The following PRUNE2 variants were observed in gnomAD, a reference collection of about 807,000 sequenced individuals.
The protein encoded by PRUNE2 is prune homolog 2 with BCH domain, also known as protein prune homolog 2.
In PRUNE2, 164 loss-of-function variants were observed where a neutral mutation model predicts 252.0. The ratio of observed to expected loss-of-function variants is 0.65; its 90% CI spans 0.57 to 0.74. The LOEUF (loss-of-function observed/expected upper bound fraction) is 0.74, where lower values mean the gene tolerates loss of function less well. PRUNE2 is among the 30% of genes least tolerant of loss of function. PRUNE2 has a pLI of 0.00. For missense variants in PRUNE2, 3,495 were observed against 3,711.0 expected, an observed-to-expected ratio of 0.94 and a Z score of 1.51; for synonymous variants, 1,292 against 1,350.2, an observed-to-expected ratio of 0.96 and a Z score of 0.94.
intron 4 of PRUNE2, among the ~76,000 whole-genome samples, chr9:76,835,775 C>G (rs2132203575): frequency 6.6e-6 from 1 of 152,244 alleles, no homozygotes; most frequent in East Asian, 1.9e-4. Flanking sequence ...TGGCTCTGTT[C>G]CTTTCCTATT....
chr9:76,796,418 G>T (rs2056098438), intron 6 of PRUNE2, among the ~76,000 whole-genome samples: 1 of 152,166 alleles, frequency 6.6e-6, no homozygotes. Flanking sequence ...AACATGCGTG[G>T]TGAGAAAGCA....
In PRUNE2 at chr9:76,707,660, A is replaced by T. The variant is rs745332563; in HGVS notation, c.4614T>A (p.Ser1538Arg). 2 of 1,613,944 alleles carry T rather than the reference A, an allele frequency of 1.2e-6. No homozygotes were observed. Among genetic ancestry groups the T allele is most frequent in the East Asian group, 4.5e-5 (2 of 44,876 alleles). The change falls in exon 8 of 19, where the codon AGT becomes AGA. Residue 1538 changes from serine (S) to arginine (R), a missense_variant. Coordinates refer to ENST00000376718, the MANE Select transcript of PRUNE2 (RefSeq NM_015225.3). ...SGNFDRDTIS[S>R]EYTHSSASSP... Reference sequence around the variant, plus strand: ...TTGATGCACTTGAATGAGTATACTCACTAGAAATAGTATCTCTGTCAAAAT... The same window carrying T: ...TTGATGCACTTGAATGAGTATACTCTCTAGAAATAGTATCTCTGTCAAAAT...
intron 6 of PRUNE2, among the ~76,000 whole-genome samples, chr9:76,814,940 T>C (rs1377433682): frequency 2.0e-5 from 3 of 152,194 alleles, no homozygotes; most frequent in African/African-American, 7.2e-5. Context: ...GTTTTCCTCC[T>C]TTCTAGATCA....
At chr9:76,718,359 T>G (rs1332494569) in intron 6 of PRUNE2, among the ~76,000 whole-genome samples, 1 of 152,196 alleles carries the variant, frequency 6.6e-6, no homozygotes, top group Non-Finnish European at 1.5e-5. Flanking sequence ...TCACCTTCTG[T>G]TGTCTTCTCA....
At chr9:76,695,455 A>C (rs2045295218) in intron 9 of PRUNE2, among the ~76,000 whole-genome samples, 2 of 152,242 alleles carry the variant, frequency 1.3e-5, no homozygotes, top group Non-Finnish European at 2.9e-5. Flanking sequence ...AGTGACTAAC[A>C]AAACTCTAAG....
chr9:76,845,850 A>G (rs1295630103), intron 4 of PRUNE2, among the ~76,000 whole-genome samples: 5 of 152,194 alleles, frequency 3.3e-5, no homozygotes, highest in Non-Finnish European at 7.3e-5. Flanking sequence ...TTTCTGTGGT[A>G]ATTTTGTGGT....
intron 1 of PRUNE2, among the ~76,000 whole-genome samples, chr9:76,859,686 C>CTTGTTTGTTTGT (rs35532918): frequency 5.3e-5 from 8 of 150,266 alleles, no homozygotes; most frequent in African/African-American, 1.5e-4. Flanking sequence ...GGCTAGGGTG[C>CTTGTTTGTTTGT]TTGTTTGTTT....
At chr9:76,871,522 G>A (rs897427453) in intron 1 of PRUNE2, among the ~76,000 whole-genome samples, 2 of 152,196 alleles carry the variant, frequency 1.3e-5, no homozygotes. Context: ...GTAATCCTGG[G>A]CCTCCAAGGC....
chr9:76,631,714 T>C (rs1053385746), intron 15 of PRUNE2, among the ~76,000 whole-genome samples: 1 of 152,226 alleles, frequency 6.6e-6, no homozygotes, highest in African/African-American at 2.4e-5. Context: ...TGTGCAGGTT[T>C]TTACATGGGT....
At chr9:76,813,778 T>C (rs952857130) in intron 6 of PRUNE2, among the ~76,000 whole-genome samples, 1 of 152,190 alleles carries the variant, frequency 6.6e-6, no homozygotes, top group Admixed American at 6.5e-5. Flanking sequence ...AGAGTATACA[T>C]TGTATACTAT....
intron 1 of PRUNE2, among the ~76,000 whole-genome samples, chr9:76,893,805 G>A (rs1364837703): frequency 6.6e-6 from 1 of 152,178 alleles, no homozygotes; most frequent in African/African-American, 2.4e-5. Flanking sequence ...ATCCACCACA[G>A]TGAGTTTATG....
At chr9:76,833,556 G>C (rs994206543) in intron 4 of PRUNE2, among the ~76,000 whole-genome samples, 2 of 152,034 alleles carry the variant, frequency 1.3e-5, no homozygotes, top group African/African-American at 4.8e-5. Context: ...ACGAAGTCAG[G>C]AGATCGAGAC....
At chr9:76,879,194 C>T (rs986921390) in intron 1 of PRUNE2, among the ~76,000 whole-genome samples, 20 of 152,168 alleles carry the variant, frequency 1.3e-4, no homozygotes, top group African/African-American at 4.3e-4. Flanking sequence ...TAAATCTCCA[C>T]GTGTATGTGG....
intron 9 of PRUNE2, among the ~76,000 whole-genome samples, chr9:76,660,798 AAAAG>A (rs1554669338): frequency 2.1e-5 from 3 of 141,086 alleles, no homozygotes; most frequent in African/African-American, 5.2e-5. Flanking sequence ...AAAAAAAAAA[AAAAG>A]AAAGAAAGAA....
chr9:76,713,850 G>T, intron 6 of PRUNE2, 129 bp from the exon 7 acceptor site: 1 of 587,098 alleles, frequency 1.7e-6, no homozygotes, highest in Non-Finnish European at 2.8e-6. Flanking sequence ...GTGAAATACA[G>T]TTTGCTTTGA....
intron 6 of PRUNE2, among the ~76,000 whole-genome samples, chr9:76,792,461 G>C (rs559363447): frequency 6.6e-6 from 1 of 152,276 alleles, no homozygotes; most frequent in African/African-American, 2.4e-5. Context: ...CAGGACTAAA[G>C]TCTCACAGAG....
rs562345231 is a variant in PRUNE2 at position 76,834,194 on chromosome 9, A to G, written c.509-7462T>C. On this transcript the variant is annotated intron_variant, in intron 4 of 18. Transcript: ENST00000376718. The stretch of plus-strand genomic sequence containing the variant: ...CACCGTGCCCGGCCCCAAGATGCCT[A>G]TTATTCTTATTCTTACTCAACACCA... Among the ~76,000 whole-genome samples, 262 of 152,244 alleles carry G rather than the reference A, an allele frequency of 1.7e-3. 3 individuals are homozygous for G. Among genetic ancestry groups the G allele is most frequent in the African/African-American group, 5.9e-3 (245 of 41,544 alleles).
In PRUNE2 at chr9:76,848,782, T is replaced by A. The variant is rs1415460821; in HGVS notation, c.344+1681A>T. Among the ~76,000 whole-genome samples, 3 of 152,242 alleles carry A rather than the reference T, an allele frequency of 2.0e-5. No individual in the cohort carries two copies. In the East Asian group the frequency reaches 5.8e-4, roughly 29 times the overall value. On this transcript the variant is annotated intron_variant, in intron 3 of 18. Transcript: ENST00000376718. ...TATTCCTCCTTAGGCACCTGTAGAT[T>A]CTTGCATGAGTTAGCAATGCTTAAG...
chr9:76,832,998 T>C (rs2132143527), intron 4 of PRUNE2, among the ~76,000 whole-genome samples: 1 of 152,268 alleles, frequency 6.6e-6, no homozygotes, highest in South Asian at 2.1e-4. Context: ...AGACTAGTTT[T>C]GTATCTATTT....
Sources: gnomAD v4.1 joint callset for allele counts (sites outside exome capture counted in the v4.1 genomes callset) on GRCh38, gnomAD v4.1.1 for gene constraint, MANE v1.5 for transcripts, NCBI Gene and HGNC (gene_info 2026-07-23, HGNC 2026-07-21) for gene names.